PREP: variants seen among roughly 807,000 people sequenced by gnomAD.
PREP encodes dJ355L5.1 (prolyl endopeptidase).
In PREP, 29 loss-of-function variants were observed where a neutral mutation model predicts 87.6. That is an observed-to-expected ratio of 0.33 (90% confidence interval 0.25 to 0.45). The LOEUF is 0.45. Ranked by LOEUF, PREP falls within the 20% of genes least tolerant of loss-of-function variation. The probability of loss-of-function intolerance (pLI) is 1.00; values close to 1 mark genes in which losing one functional copy is unlikely to be tolerated. For synonymous variants in PREP, 337 were observed against 328.6 expected (o/e 1.03, Z -0.28); for missense variants, 695 against 886.5 (o/e 0.78, Z 2.74).
rs1769982272 is a variant in PREP, at chr6:105,277,975, G to A, written c.*169C>T. Reference sequence around the variant, plus strand: ...GAAACACCAAGGCCTTGCTAAAAAGGAGAAGCCTAAAAAAGATAAAATTCC... The same window carrying A: ...GAAACACCAAGGCCTTGCTAAAAAGAAGAAGCCTAAAAAAGATAAAATTCC... On this transcript the variant is annotated 3_prime_UTR_variant, in exon 15 of 15. Transcript: ENST00000652536. The A allele has an allele frequency of 4.1e-6, 4 of 967,226 alleles. No homozygotes were observed. The South Asian group carries it at 6.5e-5, about 16-fold the overall frequency. 59.9% of individuals were successfully genotyped at this position (967,226 alleles called of 1,614,324 possible).
At chr6:105,352,559 C>T (rs1771988330) in intron 7 of PREP, among the ~76,000 whole-genome samples, 1 of 152,142 alleles carries the variant, frequency 6.6e-6, no homozygotes, top group African/African-American at 2.4e-5. Context: ...CTATGTTGCC[C>T]AGGCTGGTCT....
At chr6:105,324,682 G>A (rs1043868745) in intron 9 of PREP, among the ~76,000 whole-genome samples, 2 of 152,006 alleles carry the variant, frequency 1.3e-5, no homozygotes, top group African/African-American at 2.4e-5. Flanking sequence ...AAAACCAAAC[G>A]GTACTCCCAC....
At chr6:105,341,153 C>T (rs1036543039) in intron 7 of PREP, among the ~76,000 whole-genome samples, 1 of 152,180 alleles carries the variant, frequency 6.6e-6, no homozygotes, top group African/African-American at 2.4e-5. Context: ...CACTCCCCAG[C>T]AAATGTAAAA....
chr6:105,282,654 A>AATG (rs1366023806), intron 12 of PREP, 72 bp from the exon 13 acceptor site: 1 of 1,531,060 alleles, frequency 6.5e-7, no homozygotes, highest in Non-Finnish European at 8.9e-7. Flanking sequence ...TGGGAATTCA[A>AATG]ATGATAGAGC....
At chr6:105,339,346 C>T (rs761714161) in intron 7 of PREP, among the ~76,000 whole-genome samples, 11 of 152,168 alleles carry the variant, frequency 7.2e-5, no homozygotes, top group African/African-American at 1.7e-4. Context: ...GGAAAACAAA[C>T]AGAAAGGACA....
At chr6:105,389,679 G>A (rs999224063) in intron 2 of PREP, among the ~76,000 whole-genome samples, 2 of 152,108 alleles carry the variant, frequency 1.3e-5, no homozygotes, top group East Asian at 1.9e-4. Flanking sequence ...CTCTGAAAAC[G>A]TAGTGGCCAG....
chr6:105,361,255 T>C (rs1772241194), intron 6 of PREP, among the ~76,000 whole-genome samples: 1 of 152,142 alleles, frequency 6.6e-6, no homozygotes, highest in Admixed American at 6.6e-5. Flanking sequence ...ATGAAGTAAT[T>C]TGTCCTTAAA....
intron 10 of PREP, among the ~76,000 whole-genome samples, chr6:105,311,039 T>G (rs148606526): frequency 6.6e-6 from 1 of 152,200 alleles, no homozygotes; most frequent in Non-Finnish European, 1.5e-5. Context: ...AATCCCTTAG[T>G]GTGTCTTCGC....
chr6:105,393,847 C>T (rs940153178), intron 2 of PREP, among the ~76,000 whole-genome samples: 2 of 151,670 alleles, frequency 1.3e-5, no homozygotes, highest in Non-Finnish European at 2.9e-5. Context: ...TATTTCAGAT[C>T]TTATAAGAGA....
chr6:105,348,407 G>GTGCTT (rs1343322716), intron 7 of PREP, among the ~76,000 whole-genome samples: 1 of 152,216 alleles, frequency 6.6e-6, no homozygotes, highest in African/African-American at 2.4e-5. Flanking sequence ...CACACCTGCT[G>GTGCTT]TGAGTCCAAT....
At chr6:105,339,381 G>A (rs866830544) in intron 7 of PREP, among the ~76,000 whole-genome samples, 29 of 152,160 alleles carry the variant, frequency 1.9e-4, no homozygotes, top group African/African-American at 6.7e-4. Context: ...CCATCTGTAC[G>A]TCACCATCAT....
chr6:105,335,394 C>T (rs1429293551), intron 7 of PREP, among the ~76,000 whole-genome samples: 1 of 152,200 alleles, frequency 6.6e-6, no homozygotes, highest in African/African-American at 2.4e-5. Context: ...TTCATTATCT[C>T]ATTCATCTCT....
chr6:105,395,569 T>C (rs1773268104), intron 2 of PREP, among the ~76,000 whole-genome samples: 1 of 141,310 alleles, frequency 7.1e-6, no homozygotes, highest in African/African-American at 3.0e-5. Context: ...ACCACAAAAA[T>C]AGTGTATACT....
intron 4 of PREP, among the ~76,000 whole-genome samples, chr6:105,374,023 A>C (rs1772623910): frequency 6.6e-6 from 1 of 152,212 alleles, no homozygotes; most frequent in Non-Finnish European, 1.5e-5. Context: ...GTCATTAGGT[A>C]ATTTGGGAGA....
intron 8 of PREP, 105 bp downstream of exon 8, chr6:105,333,209 G>T: frequency 1.8e-6 from 2 of 1,120,088 alleles, no homozygotes. Flanking sequence ...ACAGGTTGAA[G>T]GTTTTTTACC....
chr6:105,342,074 A>G (rs1771669977), intron 7 of PREP, among the ~76,000 whole-genome samples: 1 of 152,234 alleles, frequency 6.6e-6, no homozygotes, highest in Non-Finnish European at 1.5e-5. Context: ...TGGCAGAGAC[A>G]CAACAAAAAA....
chr6:105,282,521 C>T lies in PREP; in HGVS notation c.1611G>A (p.Leu537=). The stretch of plus-strand genomic sequence containing the variant: ...TGGGAGATGTGTAACCTTCCTTGAT[C>T]AGATACTCAGCAGCACACTGAAAGT... The part of the protein sequence containing the change: ...FDDFQCAAEY[L]IKEGYTSPKR... The change falls in exon 13 of 15, where the codon CTG becomes CTA. Residue 537 remains leucine (L), a synonymous_variant. Transcript: ENST00000652536. 5.0e-6 allele frequency: 8 copies of T among 1,614,156 alleles called. No individual in the cohort carries two copies. Among genetic ancestry groups the T allele is most frequent in the Non-Finnish European group, 6.8e-6 (8 of 1,180,028 alleles).
intron 10 of PREP, among the ~76,000 whole-genome samples, chr6:105,299,689 C>T (rs1027817557): frequency 1.3e-5 from 2 of 152,176 alleles, no homozygotes; most frequent in African/African-American, 4.8e-5. Context: ...TTTTTTCCTA[C>T]TATATCACAA....
chr6:105,391,571 A>T (rs1042750264), intron 2 of PREP, among the ~76,000 whole-genome samples: 1 of 152,216 alleles, frequency 6.6e-6, no homozygotes, highest in Non-Finnish European at 1.5e-5. Context: ...ACTGATCTTG[A>T]AGAAAATAGT....
Sources: allele counts gnomAD v4.1 joint callset (sites outside exome capture counted in the v4.1 genomes callset), GRCh38; gene constraint gnomAD v4.1.1; transcripts MANE v1.5; gene names NCBI Gene and HGNC (gene_info 2026-07-23, HGNC 2026-07-21).